Variants in ARB2A observed in about 807,000 individuals in gnomAD.
ARB2A encodes ARB2 cotranscriptional regulator A.
chr5:93,805,905 G>C, the ARB2A span: 1 of 985,076 alleles, frequency 1.0e-6, no homozygotes, highest in Non-Finnish European at 1.2e-6. Context: ...GAATTAGCTT[G>C]TTTGATCATG....
the ARB2A span, among the ~76,000 whole-genome samples, chr5:93,802,946 G>A: frequency 3.0e-4 from 45 of 152,072 alleles, no homozygotes; most frequent in East Asian, 8.7e-3. Flanking sequence ...ACAGTATTTC[G>A]CTAACATCCA....
the ARB2A span, chr5:93,736,508 C>T: frequency 3.9e-5 from 6 of 152,168 alleles, no homozygotes; most frequent in South Asian, 2.1e-4. Context: ...TTCATCACCC[C>T]GGGTGAGTCA....
the ARB2A span, among the ~76,000 whole-genome samples, chr5:93,822,364 G>T: frequency 1.3e-5 from 2 of 152,160 alleles, no homozygotes; most frequent in Non-Finnish European, 2.9e-5. Context: ...CTGGTCATCT[G>T]TTAACTCTGG....
the ARB2A span, among the ~76,000 whole-genome samples, chr5:94,071,829 C>T: frequency 3.1e-4 from 47 of 152,200 alleles, no homozygotes; most frequent in East Asian, 8.7e-3. Flanking sequence ...GTTAGAAATG[C>T]AATTACCATA....
At chr5:93,746,730 T>C in the ARB2A span, among the ~76,000 whole-genome samples, 1 of 152,128 alleles carries the variant, frequency 6.6e-6, no homozygotes, top group Admixed American at 6.5e-5. Flanking sequence ...GAACTTCCTA[T>C]GCTATAAAAT....
the ARB2A span, among the ~76,000 whole-genome samples, chr5:93,794,005 T>G: frequency 6.6e-6 from 1 of 152,176 alleles, no homozygotes; most frequent in Admixed American, 6.5e-5. Flanking sequence ...GAAGGATGTC[T>G]GCTGAGAGCA....
At chr5:94,076,051 A>C in the ARB2A span, among the ~76,000 whole-genome samples, 1 of 152,186 alleles carries the variant, frequency 6.6e-6, no homozygotes, top group African/African-American at 2.4e-5. Flanking sequence ...CTGATCCATA[A>C]TTATGTGCAC....
At chr5:93,789,647 T>A in the ARB2A span, among the ~76,000 whole-genome samples, 1 of 152,212 alleles carries the variant, frequency 6.6e-6, no homozygotes, top group African/African-American at 2.4e-5. Context: ...TGGTACTCTG[T>A]CCTGTGCTAT....
the ARB2A span, among the ~76,000 whole-genome samples, chr5:93,833,870 T>C: frequency 7.6e-4 from 116 of 152,334 alleles, no homozygotes; most frequent in Admixed American, 4.7e-3. Flanking sequence ...AGAGTACATG[T>C]GCAAGTTTGA....
chr5:94,012,270 T>C, the ARB2A span, among the ~76,000 whole-genome samples: 133 of 152,138 alleles, frequency 8.7e-4, no homozygotes, highest in East Asian at 2.1e-3. Context: ...GGCGTGGTGG[T>C]GGGTGCCTGT....
the ARB2A span, among the ~76,000 whole-genome samples, chr5:93,636,434 C>T: frequency 3.3e-5 from 5 of 152,240 alleles, no homozygotes; most frequent in East Asian, 7.7e-4. Context: ...GGGTAGAAAC[C>T]TCATGAGTGG....
chr5:93,976,946 C>A, the ARB2A span, among the ~76,000 whole-genome samples: 1 of 151,900 alleles, frequency 6.6e-6, no homozygotes, highest in South Asian at 2.1e-4. Context: ...ATTAGCATTT[C>A]TATATACCAA....
chr5:93,973,133 T>A, the ARB2A span, among the ~76,000 whole-genome samples: 3 of 148,174 alleles, frequency 2.0e-5, no homozygotes, highest in South Asian at 6.4e-4. Context: ...ATTTTTTTCA[T>A]AGAAACCAGG....
the ARB2A span, among the ~76,000 whole-genome samples, chr5:93,930,152 G>T: frequency 6.6e-6 from 1 of 152,160 alleles, no homozygotes; most frequent in African/African-American, 2.4e-5. Flanking sequence ...CTGGAAAGGG[G>T]ATGTGAAATT....
At chr5:93,974,199 C>G in the ARB2A span, among the ~76,000 whole-genome samples, 10 of 152,098 alleles carry the variant, frequency 6.6e-5, no homozygotes, top group East Asian at 1.9e-3. Flanking sequence ...AAAGATCTAT[C>G]TATACAGAAA....
the ARB2A span, among the ~76,000 whole-genome samples, chr5:93,977,087 G>C: frequency 6.6e-6 from 1 of 151,876 alleles, no homozygotes. Context: ...AAACAGTGCT[G>C]AAAGACTCAC....
At chr5:93,758,071 C>T in the ARB2A span, among the ~76,000 whole-genome samples, 7 of 152,088 alleles carry the variant, frequency 4.6e-5, no homozygotes, top group South Asian at 4.2e-4. Flanking sequence ...TGCAAATGGA[C>T]GCCAAAAGCA....
chr5:93,918,864 T>C, the ARB2A span, among the ~76,000 whole-genome samples: 2 of 152,202 alleles, frequency 1.3e-5, no homozygotes, highest in Non-Finnish European at 2.9e-5. Flanking sequence ...TGGCTGCACA[T>C]TGCCATCACC....
chr5:94,042,534 T>C, the ARB2A span, among the ~76,000 whole-genome samples: 1 of 152,084 alleles, frequency 6.6e-6, no homozygotes, highest in East Asian at 1.9e-4. Context: ...CTCAATCTCC[T>C]GACCTCATGA....
Sources: gnomAD v4.1 joint callset for allele counts (sites outside exome capture counted in the v4.1 genomes callset) on GRCh38, gnomAD v4.1.1 for gene constraint, MANE v1.5 for transcripts, NCBI Gene and HGNC (gene_info 2026-07-23, HGNC 2026-07-21) for gene names.